ACTN1: variants seen among roughly 807,000 people sequenced by gnomAD.
ACTN1 encodes the protein actinin alpha 1.
A neutral mutation model predicts 119.6 loss-of-function variants in ACTN1; 30 were observed. That is an observed-to-expected ratio of 0.25 (90% CI 0.19 to 0.34). The LOEUF (loss-of-function observed/expected upper bound fraction) is 0.34, where lower values mean the gene tolerates loss of function less well. Among genes scored for constraint, ACTN1 ranks in the 10% least tolerant of loss-of-function variants. ACTN1 has a pLI of 1.00. For synonymous variants in ACTN1, 429 were observed against 472.6 expected, an observed-to-expected ratio of 0.91 and a Z score of 1.20; for missense variants, 764 against 1,223.4, an observed-to-expected ratio of 0.62 and a Z score of 5.60.
intron 1 of ACTN1, among the ~76,000 whole-genome samples, chr14:68,966,591 C>T (rs2036713707): frequency 6.6e-6 from 1 of 151,402 alleles, no homozygotes; most frequent in African/African-American, 2.5e-5. Flanking sequence ...AGTCTTTTCA[C>T]ACCTATCCCC....
intron 9 of ACTN1, among the ~76,000 whole-genome samples, chr14:68,892,883 G>C (rs958580285): frequency 2.0e-5 from 3 of 152,094 alleles, no homozygotes; most frequent in South Asian, 4.2e-4. Flanking sequence ...CCTGCAGGGG[G>C]CCAGGCACAT....
rs2032568354 is a variant in ACTN1 at position 68,892,429 on chromosome 14, C to T, written c.856-146G>A. 1.8e-5 allele frequency: 15 copies of T among 841,558 alleles called. No homozygotes were observed. The South Asian group carries it at 2.5e-4, about 14-fold the overall frequency. The allele number at this position is 841,558 out of a possible 1,614,324, so 52.1% of individuals were successfully genotyped here. A position where few individuals can be genotyped will look rare whatever the true frequency, so the allele number is the denominator to read the frequency against. On this transcript the variant is annotated intron_variant, in intron 9 of 21. Coordinates refer to ENST00000394419, the MANE Select transcript of ACTN1 (RefSeq NM_001130004.2). The stretch of plus-strand genomic sequence containing the variant: ...ACTCCTTCCCAACCACTGACATTCC[C>T]AGGCCATGAAGTCAGCTTCCAGGGT...
Position 68,890,342 on chromosome 14 carries a change from C to G in ACTN1, c.1087-56G>C, listed in dbSNP as rs1594768768. On this transcript the variant is annotated intron_variant, in intron 10 of 21. Coordinates refer to ENST00000394419, the MANE Select transcript of ACTN1 (RefSeq NM_001130004.2). ...CTGGCTTGGGCCTAGGCTTCAGGTC[C>G]CCTAGCCCCCTAGACCCCTGAAGGT... 3 of 1,594,464 alleles carry G rather than the reference C, an allele frequency of 1.9e-6. No homozygotes were observed. The East Asian group carries it at 6.7e-5, about 36-fold the overall frequency.
intron 4 of ACTN1, among the ~76,000 whole-genome samples, chr14:68,910,263 G>A (rs890278419): frequency 2.0e-5 from 3 of 152,202 alleles, no homozygotes; most frequent in South Asian, 2.1e-4. Context: ...CGTGTTACAC[G>A]TGTAAATTTT....
chr14:68,878,791 A>G lies in ACTN1; in HGVS notation c.2361+198T>C. 6.3e-7 allele frequency: 1 copy of G among 1,576,196 alleles called. No individual in the cohort carries two copies. The highest frequency in any genetic ancestry group is 8.6e-7 in the Non-Finnish European group (1 of 1,169,068). Reference sequence around the variant, plus strand: ...CGAGGACGGAAGACAGCGGGCACCCAGTAGGTTGCCATGAAAGACAGCAGA... The same window carrying G: ...CGAGGACGGAAGACAGCGGGCACCCGGTAGGTTGCCATGAAAGACAGCAGA... On this transcript the variant is annotated intron_variant, in intron 19 of 21. Coordinates refer to ENST00000394419, the MANE Select transcript of ACTN1 (RefSeq NM_001130004.2). This position sits in a 1 kb window ranked among gnomAD's most constrained non-coding sequence, Gnocchi z 4.4.
rs1168193293 is a variant in ACTN1, at chr14:68,918,613, A to G, written c.340+2393T>C. Among the ~76,000 whole-genome samples, 3 of 140,046 alleles carry G rather than the reference A, an allele frequency of 2.1e-5. No homozygotes were observed. In the Admixed American group the frequency reaches 2.2e-4, roughly 10 times the overall value. The allele number at this position is 140,046 out of a possible 152,430, so 91.9% of individuals were successfully genotyped here. A position where few individuals can be genotyped will look rare whatever the true frequency, so the allele number is the denominator to read the frequency against. On this transcript the variant is annotated intron_variant, in intron 3 of 21. Transcript: ENST00000394419. Reference sequence around the variant, plus strand: ...AAAAAAAAAAGAAGTTTCAGATCTTAGGCCAGGCGCGGTGGCGCACACCTG... The same window carrying G: ...AAAAAAAAAAGAAGTTTCAGATCTTGGGCCAGGCGCGGTGGCGCACACCTG...
At position 68,874,892 on chromosome 14, in the gene ACTN1, G is replaced by A. The variant is rs541262717; in HGVS notation, c.2712C>T (p.Phe904=). The A allele has an allele frequency of 8.7e-6, 14 of 1,603,928 alleles. No individual in the cohort carries two copies. The highest frequency in any genetic ancestry group is 1.1e-5 in the Non-Finnish European group (13 of 1,171,966). Residue 904 remains phenylalanine, a synonymous_variant, in exon 22 of 22, where the codon TTC becomes TTT. Transcript: ENST00000394419. ...SVPGALDYMS[F]STALYGESDL is the part of the protein sequence containing the mutation. ...CACTCTCGCCGTACAGCGCCGTGGA[G>A]AAGGACATGTAGTCCAGAGCACCTG...
rs202246872 is a variant in ACTN1 at position 68,904,646 on chromosome 14, G to A, written c.676+9C>T. 1,530 of 1,613,190 alleles carry A rather than the reference G, an allele frequency of 9.5e-4. 3 individuals are homozygous for A. The highest frequency in any genetic ancestry group is 1.2e-3 in the Non-Finnish European group (1,434 of 1,179,142). ...TGGGCAAGAGACACAGAAGGAAAGC[G>A]CCTTTCACCTTCGGCATCCAGCATC... On this transcript the variant is annotated intron_variant, in intron 7 of 21. Coordinates refer to ENST00000394419, the MANE Select transcript of ACTN1 (RefSeq NM_001130004.2).
chr14:68,887,544 T>C, intron 11 of ACTN1: 1 of 1,293,558 alleles, frequency 7.7e-7, no homozygotes, highest in Non-Finnish European at 1.0e-6. Flanking sequence ...AAGCCTCCCA[T>C]AATTCAATAT....
At chr14:68,906,070 C>G (rs10144741) in intron 6 of ACTN1, among the ~76,000 whole-genome samples, 1 of 150,310 alleles carries the variant, frequency 6.7e-6, no homozygotes, top group Non-Finnish European at 1.5e-5. Flanking sequence ...AGCCAGAGGC[C>G]GGGGGGGCAG....
chr14:68,919,652 C>T (rs1233813250), intron 3 of ACTN1, among the ~76,000 whole-genome samples: 1 of 152,200 alleles, frequency 6.6e-6, no homozygotes, highest in Non-Finnish European at 1.5e-5. Context: ...GGGGGAGATG[C>T]TGGAATCCAT....
At position 68,879,146 on chromosome 14, in the gene ACTN1, GAGGGTGGCGTGTGT is replaced by G; in HGVS notation, c.2281-91_2281-78del. ...GCCGTGAGGGGGGCATGCCCCGGGG[GAGGGTGGCGTGTGT>G]GGGGAGACACAGGGACAGGCATGCG... On this transcript the variant is annotated intron_variant, in intron 18 of 21. Coordinates refer to ENST00000394419, the MANE Select transcript of ACTN1 (RefSeq NM_001130004.2). The surrounding 1 kb of genome is among the most constrained non-coding windows in gnomAD (Gnocchi z 4.9). The G allele has an allele frequency of 7.0e-7, 1 of 1,430,676 alleles. No homozygotes were observed. Among genetic ancestry groups the G allele is most frequent in the Non-Finnish European group, 9.4e-7 (1 of 1,064,614 alleles). 88.6% of individuals were successfully genotyped at this position (1,430,676 alleles called of 1,614,324 possible).
intron 4 of ACTN1, among the ~76,000 whole-genome samples, chr14:68,911,051 T>C (rs745960744): frequency 1.3e-5 from 2 of 152,230 alleles, no homozygotes; most frequent in African/African-American, 2.4e-5. Flanking sequence ...TGCCTGTGAA[T>C]TGGAGGTTAA....
chr14:68,889,070 T>G (rs1271224719), intron 11 of ACTN1, among the ~76,000 whole-genome samples: 2 of 152,178 alleles, frequency 1.3e-5, no homozygotes, highest in African/African-American at 4.8e-5. Flanking sequence ...AATAGGTCTG[T>G]CCCACGCTCC....
chr14:68,925,425 G>A lies in ACTN1; in HGVS notation c.220+133C>T, dbSNP rs961623978. On this transcript the variant is annotated intron_variant, in intron 2 of 21. Transcript: ENST00000394419. This position sits in a 1 kb window ranked among gnomAD's most constrained non-coding sequence, Gnocchi z 4.3. ...CCAGAACTCAGACCCACGCTCCTAG[G>A]ATGAATTCATACATGTCATCCCCAA... is the stretch of plus-strand genomic sequence containing the variant. 10 of 537,448 alleles carry A rather than the reference G, an allele frequency of 1.9e-5. No homozygotes were observed. Among genetic ancestry groups the A allele is most frequent in the Middle Eastern group, 2.8e-4 (1 of 3,570 alleles). The allele number at this position is 537,448 out of a possible 1,614,324, so 33.3% of individuals were successfully genotyped here.
At chr14:68,957,383 GA>G (rs1395248948) in intron 1 of ACTN1, among the ~76,000 whole-genome samples, 1 of 152,190 alleles carries the variant, frequency 6.6e-6, no homozygotes, top group Non-Finnish European at 1.5e-5. Context: ...AGTGGCAGGA[GA>G]GGGGGCCTTC....
rs149469566 is a variant in ACTN1, at chr14:68,962,286, G to A, written c.105+16666C>T. ...ATTCCCGCCTAGCCTTGGCGAGCAAGCAGGAGAGGCAGGGCTGACTCACCA... is the reference window on the plus strand; with the variant it reads ...ATTCCCGCCTAGCCTTGGCGAGCAAACAGGAGAGGCAGGGCTGACTCACCA... On this transcript the variant is annotated intron_variant, in intron 1 of 21. Coordinates refer to ENST00000394419, the MANE Select transcript of ACTN1 (RefSeq NM_001130004.2). Among the ~76,000 whole-genome samples the A allele has an allele frequency of 4.4e-3, 670 of 152,250 alleles. 2 individuals are homozygous for A. The highest frequency in any genetic ancestry group is 0.015 in the African/African-American group (624 of 41,544).
At position 68,879,923 on chromosome 14, in the gene ACTN1, T is replaced by C. The variant is rs1197009771; in HGVS notation, c.2280+39A>G. ...CCCTCCAGGGCCCTGGGGCAGGGGT[T>C]GGGGGCTGCACTAAGAAAGCACAGG... is the stretch of plus-strand genomic sequence containing the variant. On this transcript the variant is annotated intron_variant, in intron 18 of 21. Coordinates refer to ENST00000394419, the MANE Select transcript of ACTN1 (RefSeq NM_001130004.2). The surrounding 1 kb of genome is among the most constrained non-coding windows in gnomAD (Gnocchi z 4.9). The C allele has an allele frequency of 3.1e-6, 5 of 1,606,262 alleles. No homozygotes were observed. In the South Asian group the frequency reaches 5.5e-5, roughly 18 times the overall value.
chr14:68,888,989 C>T (rs1405014371), intron 11 of ACTN1, among the ~76,000 whole-genome samples: 1 of 152,204 alleles, frequency 6.6e-6, no homozygotes, highest in African/African-American at 2.4e-5. Context: ...CTTCTCATCT[C>T]CAACCTAAGA....
Sources: allele counts gnomAD v4.1 joint callset (sites outside exome capture counted in the v4.1 genomes callset), GRCh38; gene constraint gnomAD v4.1.1; non-coding constraint Gnocchi (gnomAD v3.1); transcripts MANE v1.5; gene names NCBI Gene and HGNC (gene_info 2026-07-23, HGNC 2026-07-21).